Variants in EDEM2 observed in about 807,000 individuals in gnomAD.
The protein encoded by EDEM2 is ER degradation-enhancing alpha-mannosidase-like protein 2.
Under a neutral mutation model 64.8 loss-of-function variants are expected in EDEM2, and 39 were observed. The ratio of observed to expected loss-of-function variants is 0.60; its 90% CI spans 0.47 to 0.79. The LOEUF (loss-of-function observed/expected upper bound fraction) is 0.79, where lower values mean the gene tolerates loss of function less well. Ranked by LOEUF, EDEM2 falls within the 30% of genes least tolerant of loss-of-function variation. The pLI is 0.00. For missense variants in EDEM2, 609 were observed against 731.3 expected, an observed-to-expected ratio of 0.83 and a Z score of 1.93; for synonymous variants, 296 against 291.5, an observed-to-expected ratio of 1.02 and a Z score of -0.16.
At chr20:35,117,856 A>G (rs2085326078) in intron 10 of EDEM2, among the ~76,000 whole-genome samples, 1 of 152,150 alleles carries the variant, frequency 6.6e-6, no homozygotes, top group Non-Finnish European at 1.5e-5. Context: ...CGATCTTTCT[A>G]AAATACAAAT....
chr20:35,123,662 C>T (rs1290315786), intron 9 of EDEM2, among the ~76,000 whole-genome samples: 2 of 152,140 alleles, frequency 1.3e-5, no homozygotes, highest in African/African-American at 4.8e-5. Flanking sequence ...AGCTCCTGCA[C>T]TTAAGAGCCA....
At chr20:35,121,575 C>T (rs2085369531) in intron 9 of EDEM2, among the ~76,000 whole-genome samples, 1 of 152,198 alleles carries the variant, frequency 6.6e-6, no homozygotes, top group Non-Finnish European at 1.5e-5. Context: ...AGGAAGGAGA[C>T]AGCCCAAAGT....
In EDEM2 at chr20:35,142,414, T is replaced by C. The variant is rs763466253; in HGVS notation, c.323A>G (p.Asp108Gly). Residue 108 changes from aspartate (D) to glycine (G), a missense_variant, in exon 4 of 11, where the codon GAT becomes GGT. Coordinates refer to ENST00000374492, the MANE Select transcript of EDEM2 (RefSeq NM_018217.3). ...VEVLQDSVDF[D>G]IDVNASVFET... is the part of the protein sequence containing the mutation. ...AAACACAGAGGCGTTCACATCAATA[T>C]CAAAGTCCACGCTGTCCTGGAGCAC... The C allele has an allele frequency of 3.1e-6, 5 of 1,613,984 alleles. No individual in the cohort carries two copies. The highest frequency in any genetic ancestry group is 4.2e-6 in the Non-Finnish European group (5 of 1,180,026).
chr20:35,127,822 A>G (rs2085454884), intron 7 of EDEM2, among the ~76,000 whole-genome samples: 1 of 152,244 alleles, frequency 6.6e-6, no homozygotes, highest in Admixed American at 6.5e-5. Context: ...CATGTTGGTC[A>G]ACACTGAACT....
chr20:35,137,935 G>A lies in EDEM2; in HGVS notation c.435C>T (p.Pro145=), dbSNP rs761792419. ...KAGVEVEAGW[P]CSGPLLRMAE... ...CCATTCTCAGGAGAGGCCCGGAACA[G>A]GGCCATCCAGCCTCTACTTCCACCC... Residue 145 remains proline (P), a synonymous_variant, in exon 5 of 11, where the codon CCC becomes CCT. Transcript: ENST00000374492. 1 of 1,614,196 alleles carries A rather than the reference G, an allele frequency of 6.2e-7. No individual in the cohort carries two copies. Among genetic ancestry groups the A allele is most frequent in the Non-Finnish European group, 8.5e-7 (1 of 1,180,044 alleles).
chr20:35,144,820 A>T (rs180909595), intron 3 of EDEM2, among the ~76,000 whole-genome samples, 159 bp downstream of exon 3: 1 of 152,302 alleles, frequency 6.6e-6, no homozygotes, highest in Admixed American at 6.5e-5. Flanking sequence ...TTTTTCCCCT[A>T]TCTAGCTAGG....
chr20:35,116,985 G>C (rs2146083705), intron 10 of EDEM2, among the ~76,000 whole-genome samples: 1 of 152,130 alleles, frequency 6.6e-6, no homozygotes, highest in South Asian at 2.1e-4. Flanking sequence ...TAGAGACAGG[G>C]TTTCACCATG....
At chr20:35,144,586 G>A (rs894636388) in intron 3 of EDEM2, among the ~76,000 whole-genome samples, 9 of 152,068 alleles carry the variant, frequency 5.9e-5, no homozygotes, top group Non-Finnish European at 1.3e-4. Context: ...TGCCTGCCTC[G>A]GCCTTCCAAA....
Position 35,118,763 on chromosome 20 carries a change from G to A in EDEM2, c.1115-44C>T, listed in dbSNP as rs573750842. 5 of 1,608,182 alleles carry A rather than the reference G, an allele frequency of 3.1e-6. No individual in the cohort carries two copies. In the African/African-American group the frequency reaches 6.7e-5, roughly 21 times the overall value. On this transcript the variant is annotated intron_variant, in intron 9 of 10. Coordinates refer to ENST00000374492, the MANE Select transcript of EDEM2 (RefSeq NM_018217.3). ...ACCCTCCTCACTCAGTGGCTGCACAGAGATGGCCTGGGGCCTCTTAGGGCC... is the reference window on the plus strand; with the variant it reads ...ACCCTCCTCACTCAGTGGCTGCACAAAGATGGCCTGGGGCCTCTTAGGGCC...
At chr20:35,117,669 G>A (rs1294423688) in intron 10 of EDEM2, among the ~76,000 whole-genome samples, 1 of 151,992 alleles carries the variant, frequency 6.6e-6, no homozygotes, top group African/African-American at 2.4e-5. Context: ...TGCAAAATAA[G>A]TGTTTTGTTG....
chr20:35,144,032 C>G (rs2146116949), intron 3 of EDEM2, among the ~76,000 whole-genome samples: 1 of 151,744 alleles, frequency 6.6e-6, no homozygotes, highest in South Asian at 2.1e-4. Context: ...CCTCACCCTC[C>G]TCCCTAACAA....
Position 35,119,888 on chromosome 20 carries a change from C to T in EDEM2, c.1115-1169G>A, listed in dbSNP as rs1189563173. Among the ~76,000 whole-genome samples the T allele has an allele frequency of 2.0e-5, 3 of 152,096 alleles. No individual in the cohort carries two copies. In the East Asian group the frequency reaches 5.8e-4, roughly 29 times the overall value. ...GTTGTAGAGTTGACTTCAAGGGTGGCCTCAGCTCAGTATGTTTTTCTACTT... is the reference window on the plus strand; with the variant it reads ...GTTGTAGAGTTGACTTCAAGGGTGGTCTCAGCTCAGTATGTTTTTCTACTT... On this transcript the variant is annotated intron_variant, in intron 9 of 10. Transcript: ENST00000374492.
intron 10 of EDEM2, among the ~76,000 whole-genome samples, 185 bp from the exon 11 acceptor site, chr20:35,116,118 G>A (rs1024635930): frequency 1.3e-5 from 2 of 152,122 alleles, no homozygotes; most frequent in Non-Finnish European, 2.9e-5. Context: ...TATCACATAA[G>A]CTTCCAAATG....
At chr20:35,127,414 G>A (rs2085448844) in intron 7 of EDEM2, among the ~76,000 whole-genome samples, 1 of 152,152 alleles carries the variant, frequency 6.6e-6, no homozygotes, top group East Asian at 1.9e-4. Flanking sequence ...CCAGCCTTCA[G>A]AGAACTTACA....
In EDEM2 at chr20:35,146,821, C is replaced by CT; in HGVS notation, c.218+3dup. ...GCCGCCCCTTGCCCCTCCGCTCGCACTACCTGCCCCAGGTGTCGTGCCCGT... is the reference window on the plus strand; with the variant it reads ...GCCGCCCCTTGCCCCTCCGCTCGCACTTACCTGCCCCAGGTGTCGTGCCCGT... On this transcript the variant is annotated splice_donor_region_variant and intron_variant, in intron 2 of 10. Transcript: ENST00000374492. 6.2e-7 allele frequency: 1 copy of CT among 1,613,768 alleles called. No individual in the cohort carries two copies. The highest frequency in any genetic ancestry group is 8.5e-7 in the Non-Finnish European group (1 of 1,179,894).
chr20:35,128,286 G>GA (rs1307817878), intron 7 of EDEM2, among the ~76,000 whole-genome samples: 71 of 149,988 alleles, frequency 4.7e-4, no homozygotes, highest in African/African-American at 1.1e-3. Context: ...GGGAGGCTGA[G>GA]GCAGGAGAAT....
At chr20:35,136,859 T>C (rs372260125) in intron 5 of EDEM2, among the ~76,000 whole-genome samples, 9 of 151,768 alleles carry the variant, frequency 5.9e-5, no homozygotes, top group African/African-American at 2.2e-4. Flanking sequence ...TGAACAGTCC[T>C]CAGAGCCTCC....
In EDEM2 at chr20:35,144,775, T is replaced by A. The variant is rs12106269; in HGVS notation, c.258+204A>T. ...ACATAACAGGTCCTCTATAAATGTT[T>A]GCTAAATAAATGAATCTGCATAAGT... On this transcript the variant is annotated intron_variant, in intron 3 of 10. Transcript: ENST00000374492. Among the ~76,000 whole-genome samples the A allele has an allele frequency of 5.5e-3, 845 of 152,358 alleles. 9 individuals are homozygous for A. The highest frequency in any genetic ancestry group is 0.019 in the African/African-American group (792 of 41,580).
intron 4 of EDEM2, 91 bp downstream of exon 4, chr20:35,142,282 C>A: frequency 9.6e-7 from 1 of 1,041,998 alleles, no homozygotes; most frequent in South Asian, 1.4e-5. Context: ...CTGGCATGGT[C>A]AGTCCTTAAA....
Sources: allele counts gnomAD v4.1 joint callset (sites outside exome capture counted in the v4.1 genomes callset), GRCh38; gene constraint gnomAD v4.1.1; transcripts MANE v1.5; gene names NCBI Gene and HGNC (gene_info 2026-07-23, HGNC 2026-07-21).